Variants in DLG1 observed in about 807,000 individuals in gnomAD.
DLG1 encodes the protein disks large homolog 1.
DLG1 carries 42 observed loss-of-function variants against 123.4 expected under a neutral mutation model. The observed-to-expected ratio is 0.34, with a 90% CI of 0.27 to 0.44. The LOEUF (loss-of-function observed/expected upper bound fraction) is 0.44. DLG1 is among the 20% of genes least tolerant of loss of function. DLG1 has a pLI of 1.00. For missense variants in DLG1, 942 were observed against 1,082.6 expected (o/e 0.87, Z 1.82); for synonymous variants, 317 against 356.2 (o/e 0.89, Z 1.24).
chr3:197,120,385 T>C (rs1775687524), intron 11 of DLG1, among the ~76,000 whole-genome samples: 1 of 152,188 alleles, frequency 6.6e-6, no homozygotes, highest in African/African-American at 2.4e-5. Flanking sequence ...ATTATAGTGA[T>C]TCCTGACCAT....
intron 5 of DLG1, among the ~76,000 whole-genome samples, chr3:197,158,681 G>C (rs1341756864): frequency 1.7e-5 from 1 of 58,758 alleles, no homozygotes. Context: ...ATGATGCTCT[G>C]CTCTGGACAT....
At chr3:197,064,963 C>T (rs889796687) in intron 22 of DLG1, among the ~76,000 whole-genome samples, 5 of 151,994 alleles carry the variant, frequency 3.3e-5, no homozygotes, top group African/African-American at 9.7e-5. Context: ...TGCACTGCCA[C>T]ACCCGGCCCT....
In DLG1 at chr3:197,237,287, C is replaced by T. The variant is rs115734357; in HGVS notation, c.319-42698G>A. Among the ~76,000 whole-genome samples the T allele has an allele frequency of 3.9e-3, 597 of 152,234 alleles. 3 individuals are homozygous for T. Among genetic ancestry groups the T allele is most frequent in the Non-Finnish European group, 6.5e-3 (442 of 67,992 alleles). ...GGAATGTAGAACCCTAAGGAAGACACGGCAGTCAGTCCCTGAGTTTTCTTT... is the reference window on the plus strand; with the variant it reads ...GGAATGTAGAACCCTAAGGAAGACATGGCAGTCAGTCCCTGAGTTTTCTTT... On this transcript the variant is annotated intron_variant, in intron 4 of 24. Transcript: ENST00000667157.
At chr3:197,256,369 C>T (rs145094052) in intron 4 of DLG1, among the ~76,000 whole-genome samples, 9 of 152,378 alleles carry the variant, frequency 5.9e-5, no homozygotes, top group African/African-American at 2.2e-4. Context: ...CTGCCAACTC[C>T]TGATCTAAAG....
intron 5 of DLG1, among the ~76,000 whole-genome samples, chr3:197,154,104 C>G (rs913952934): frequency 2.6e-5 from 4 of 151,638 alleles, no homozygotes; most frequent in African/African-American, 9.7e-5. Flanking sequence ...AGTTTGAGAC[C>G]AGCCTGGCCA....
chr3:197,113,609 C>A (rs1002431243), intron 13 of DLG1, among the ~76,000 whole-genome samples: 3 of 152,032 alleles, frequency 2.0e-5, no homozygotes, highest in Admixed American at 2.0e-4. Context: ...TTCACTTTTA[C>A]TTACAACCCA....
chr3:197,244,215 C>A (rs751914594), intron 4 of DLG1, among the ~76,000 whole-genome samples: 1 of 152,280 alleles, frequency 6.6e-6, no homozygotes, highest in Admixed American at 6.5e-5. Flanking sequence ...GGGGCTGACC[C>A]GCAGGGTGCT....
At chr3:197,201,875 C>T (rs1725918379) in intron 4 of DLG1, among the ~76,000 whole-genome samples, 1 of 152,014 alleles carries the variant, frequency 6.6e-6, no homozygotes, top group Non-Finnish European at 1.5e-5. Flanking sequence ...CAAAGCACTT[C>T]AGTGAAATAA....
intron 23 of DLG1, 94 bp from the exon 24 acceptor site, chr3:197,051,762 C>A: frequency 5.8e-6 from 5 of 860,374 alleles, no homozygotes; most frequent in Admixed American, 2.6e-5. Context: ...AATAGAAAAT[C>A]ATGAAAAGTT....
At chr3:197,251,926 T>C (rs1754630364) in intron 4 of DLG1, among the ~76,000 whole-genome samples, 1 of 152,222 alleles carries the variant, frequency 6.6e-6, no homozygotes, top group East Asian at 1.9e-4. Flanking sequence ...CAATGCCCAG[T>C]ACATGGTAAG....
At chr3:197,163,610 C>T (rs1478618406) in intron 5 of DLG1, among the ~76,000 whole-genome samples, 1 of 151,344 alleles carries the variant, frequency 6.6e-6, no homozygotes, top group Non-Finnish European at 1.5e-5. Flanking sequence ...GTAACGTCCG[C>T]CTCCCGGGTT....
At chr3:197,255,200 A>C (rs904963881) in intron 4 of DLG1, among the ~76,000 whole-genome samples, 1 of 152,200 alleles carries the variant, frequency 6.6e-6, no homozygotes, top group African/African-American at 2.4e-5. Context: ...CTAATCCCTC[A>C]ACACAGCAAA....
chr3:197,250,401 C>G (rs1753786217), intron 4 of DLG1, among the ~76,000 whole-genome samples: 1 of 151,840 alleles, frequency 6.6e-6, no homozygotes, highest in South Asian at 2.1e-4. Context: ...AACCCCAGGT[C>G]TACTAAAAAT....
intron 4 of DLG1, among the ~76,000 whole-genome samples, chr3:197,266,257 C>A (rs956800021): frequency 2.0e-5 from 3 of 151,972 alleles, no homozygotes; most frequent in Non-Finnish European, 4.4e-5. Flanking sequence ...GAAAAAAAAT[C>A]AATCAATAAA....
intron 5 of DLG1, among the ~76,000 whole-genome samples, chr3:197,188,714 CTCTA>C (rs1717530326): frequency 6.6e-6 from 1 of 152,110 alleles, no homozygotes; most frequent in South Asian, 2.1e-4. Flanking sequence ...AGGAAAAGCT[CTCTA>C]TATTAGCTTT....
chr3:197,057,413 C>T (rs978336428), intron 23 of DLG1, among the ~76,000 whole-genome samples: 1 of 152,188 alleles, frequency 6.6e-6, no homozygotes, highest in Non-Finnish European at 1.5e-5. Context: ...ACTGTCATCA[C>T]GCTTGTACCT....
chr3:197,291,170 A>G (rs1028799571), intron 3 of DLG1, among the ~76,000 whole-genome samples: 1 of 152,140 alleles, frequency 6.6e-6, no homozygotes, highest in African/African-American at 2.4e-5. Flanking sequence ...GCAAACTATG[A>G]GCAAAGAACT....
chr3:197,265,317 A>C (rs1761198363), intron 4 of DLG1, among the ~76,000 whole-genome samples: 1 of 152,144 alleles, frequency 6.6e-6, no homozygotes, highest in East Asian at 1.9e-4. Context: ...ATTGCTGCCA[A>C]CCATAATGGA....
intron 10 of DLG1, among the ~76,000 whole-genome samples, chr3:197,135,365 T>A (rs1283013494): frequency 6.6e-6 from 1 of 152,084 alleles, no homozygotes; most frequent in Non-Finnish European, 1.5e-5. Context: ...TGATAGTGAG[T>A]GAGTCTCATG....
Sources: allele counts gnomAD v4.1 joint callset (sites outside exome capture counted in the v4.1 genomes callset), GRCh38; gene constraint gnomAD v4.1.1; transcripts MANE v1.5; gene names NCBI Gene and HGNC (gene_info 2026-07-23, HGNC 2026-07-21).